KIF3A: variants seen among roughly 807,000 people sequenced by gnomAD.
KIF3A encodes the protein kinesin-like protein KIF3A.
KIF3A carries 27 observed loss-of-function variants against 92.6 expected under a neutral mutation model. That is an observed-to-expected ratio of 0.29 (90% CI 0.21 to 0.40). The LOEUF is 0.40. Ranked by LOEUF, KIF3A falls within the 10% of genes least tolerant of loss-of-function variation. The pLI is 1.00. For synonymous variants in KIF3A, 250 were observed against 275.4 expected (o/e 0.91, Z 0.92); for missense variants, 581 against 872.6 (o/e 0.67, Z 4.21).
chr5:132,701,945 A>G (rs1197069790), intron 15 of KIF3A, 142 bp downstream of exon 15: 2 of 868,502 alleles, frequency 2.3e-6, no homozygotes, highest in East Asian at 2.5e-5. Context: ...GTTAACAACT[A>G]AAGTGAAATG....
At chr5:132,720,469 T>A in intron 5 of KIF3A, 140 bp downstream of exon 5, 1 of 577,410 alleles carries the variant, frequency 1.7e-6, no homozygotes, top group South Asian at 2.5e-5. Flanking sequence ...GCTCTCTACA[T>A]GGTAAATAAT....
At chr5:132,734,568 C>T in intron 1 of KIF3A, 90 bp from the exon 2 acceptor site, 8 of 1,151,130 alleles carry the variant, frequency 6.9e-6, no homozygotes, top group Non-Finnish European at 9.7e-6. Context: ...GGCTACTTTT[C>T]CAACTCAGTG....
chr5:132,706,406 GGATA>G, intron 11 of KIF3A, 41 bp downstream of exon 11: 1 of 1,436,432 alleles, frequency 7.0e-7, no homozygotes, highest in South Asian at 1.4e-5. Flanking sequence ...GTTCTTTATA[GGATA>G]AATAATTGTA....
Position 132,716,420 on chromosome 5 carries a change from G to C in KIF3A, c.779C>G (p.Thr260Ser). ...CTTTAGGCGCTGTCCAGTAGCTCCA[G>C]TTTTTGCCTGTCTTTCTGAACCCTA... is the stretch of plus-strand genomic sequence containing the variant. The part of the protein sequence containing the change: ...DLAGSERQAK[T>S]GATGQRLKEA... The change falls in exon 7 of 19, where the codon ACT becomes AGT. Residue 260 changes from threonine to serine, a missense_variant. By Grantham distance (58) the Thr-to-Ser change is moderately conservative. This residue lies in a region of KIF3A where 40 missense variants were observed against 107.0 expected (regional missense o/e 0.37). Coordinates refer to ENST00000403231, the MANE Select transcript of KIF3A (RefSeq NM_001300791.2). 6.2e-7 allele frequency: 1 copy of C among 1,613,788 alleles called. No homozygotes were observed. Among genetic ancestry groups the C allele is most frequent in the East Asian group, 2.2e-5 (1 of 44,862 alleles).
intron 5 of KIF3A, 136 bp from the exon 6 acceptor site, chr5:132,717,120 T>C (rs1484765265): frequency 6.6e-6 from 5 of 759,462 alleles, no homozygotes; most frequent in Non-Finnish European, 1.1e-5. Flanking sequence ...CATAAAGGCA[T>C]GGGTGTGTAC....
In KIF3A at chr5:132,737,519, G is replaced by A. The variant is rs924473319; in HGVS notation, c.-100C>T. The A allele has an allele frequency of 1.4e-5, 19 of 1,394,054 alleles. No homozygotes were observed. Among genetic ancestry groups the A allele is most frequent in the African/African-American group, 5.9e-5 (4 of 68,376 alleles). The allele number at this position is 1,394,054 out of a possible 1,614,324, so 86.4% of individuals were successfully genotyped here. ...TGGCCAGAGACTACCGAAACACCTCGTTGACGCTCTCGAGACTGCGGCTTC... is the reference window on the plus strand; with the variant it reads ...TGGCCAGAGACTACCGAAACACCTCATTGACGCTCTCGAGACTGCGGCTTC... On this transcript the variant is annotated 5_prime_UTR_variant, in exon 1 of 19. In the 5' UTR this introduces an upstream ATG that the reference lacks. Transcript: ENST00000403231.
At chr5:132,726,323 A>C (rs1554107580) in intron 3 of KIF3A, 31 bp downstream of exon 3, 4 of 1,609,314 alleles carry the variant, frequency 2.5e-6, no homozygotes, top group Non-Finnish European at 3.4e-6. Flanking sequence ...TGTACTTCTC[A>C]ATATCAGAAA....
At chr5:132,708,564 C>T (rs572956946) in intron 10 of KIF3A, among the ~76,000 whole-genome samples, 1 of 152,098 alleles carries the variant, frequency 6.6e-6, no homozygotes, top group Non-Finnish European at 1.5e-5. Flanking sequence ...TTACGTGTCC[C>T]TTATTCTGAG....
chr5:132,730,067 A>G (rs145708070), intron 2 of KIF3A, among the ~76,000 whole-genome samples: 251 of 152,374 alleles, frequency 1.6e-3, no homozygotes, highest in African/African-American at 5.7e-3. Flanking sequence ...CATTCAACAT[A>G]CTAAAAGAAT....
At chr5:132,723,865 C>T (rs1462154895) in intron 4 of KIF3A, 6 of 152,102 alleles carry the variant, frequency 3.9e-5, no homozygotes, top group Admixed American at 6.6e-5. Context: ...AACAGGCAAC[C>T]TACAGAATGG....
rs1184493256 is a variant in KIF3A at position 132,695,855 on chromosome 5, T to TA, written c.*778dup. ...TTAAAAATATACACGCAGGCAAAGA[T>TA]AACTGAGCAGTATTTAGCTTCTTAA... On this transcript the variant is annotated 3_prime_UTR_variant, in exon 19 of 19. Coordinates refer to ENST00000403231, the MANE Select transcript of KIF3A (RefSeq NM_001300791.2). 1 of 152,318 alleles carries TA rather than the reference T, an allele frequency of 6.6e-6. No individual in the cohort carries two copies. Among genetic ancestry groups the TA allele is most frequent in the Non-Finnish European group, 1.5e-5 (1 of 68,024 alleles). The allele number at this position is 152,318 out of a possible 1,614,324, so 9.4% of individuals were successfully genotyped here.
In KIF3A at chr5:132,711,041, G is replaced by A. The variant is rs1299395556; in HGVS notation, c.1146C>T (p.Gly382=). ...KKLEEGEEIS[G]SDISGSEEDD... is the part of the protein sequence containing the mutation. ...CTTCCTCTGACCCACTGATATCAGA[G>A]CCTGATATTTCTTCTCCTTGGACAG... Residue 382 remains glycine, a synonymous_variant, in exon 9 of 19, where the codon GGC becomes GGT. Transcript: ENST00000403231. 1 of 1,609,402 alleles carries A rather than the reference G, an allele frequency of 6.2e-7. No individual in the cohort carries two copies. The highest frequency in any genetic ancestry group is 8.5e-7 in the Non-Finnish European group (1 of 1,176,000).
Position 132,726,179 on chromosome 5 carries a change from A to G in KIF3A, c.459T>C (p.Tyr153=). The part of the protein sequence containing the change: ...FLVRVSYLEI[Y]NEEVRDLLGK... ...CCAAAAGGTCACGAACTTCTTCATT[A>G]TATATTTCCAAATAAGACACTCGAA... Residue 153 remains tyrosine, a synonymous_variant, in exon 4 of 19, where the codon TAT becomes TAC. Transcript: ENST00000403231. 6.2e-7 allele frequency: 1 copy of G among 1,612,260 alleles called. No homozygotes were observed. The highest frequency in any genetic ancestry group is 1.1e-5 in the South Asian group (1 of 90,520).
At chr5:132,691,712 G>C (rs1752669808), downstream of KIF3A, among the ~76,000 whole-genome samples, 1 of 151,552 alleles carries the variant, frequency 6.6e-6, no homozygotes, top group African/African-American at 2.4e-5. Flanking sequence ...AGACCAGCCT[G>C]AACAACATGG....
At chr5:132,709,047 A>T in intron 9 of KIF3A, 69 bp from the exon 10 acceptor site, 1 of 1,194,898 alleles carries the variant, frequency 8.4e-7, no homozygotes. Context: ...ACACACACAC[A>T]GAGAAAAATT....
At chr5:132,691,304 C>T (rs1859139), downstream of KIF3A, among the ~76,000 whole-genome samples, 135,858 of 152,164 alleles carry the variant, frequency 0.89, 60,704 homozygotes, top group East Asian at 0.92. Flanking sequence ...TTCCAGCACT[C>T]TGGGAGGCCG....
At chr5:132,703,963 T>TA (rs566595374) in intron 11 of KIF3A, among the ~76,000 whole-genome samples, 6 of 149,162 alleles carry the variant, frequency 4.0e-5, no homozygotes, top group East Asian at 2.0e-4. Context: ...AAATATAGGT[T>TA]AAAAAAAAAG....
At chr5:132,711,254 T>G (rs1581076999) in intron 8 of KIF3A, among the ~76,000 whole-genome samples, 197 bp from the exon 9 acceptor site, 1 of 152,210 alleles carries the variant, frequency 6.6e-6, no homozygotes, top group Admixed American at 6.5e-5. Flanking sequence ...GACTTTATTT[T>G]TAAAGTCTCT....
At chr5:132,690,002 G>A (rs139231518), downstream of KIF3A, among the ~76,000 whole-genome samples, 240 of 152,222 alleles carry the variant, frequency 1.6e-3, 1 homozygote, top group African/African-American at 5.4e-3. Context: ...GGCAGATCAC[G>A]AGGTCAGAAG....
Sources: gnomAD v4.1 joint callset for allele counts (sites outside exome capture counted in the v4.1 genomes callset) on GRCh38, gnomAD v4.1.1 for gene constraint, gnomAD v4.1.1 regional missense constraint, MANE v1.5 for transcripts, NCBI Gene and HGNC (gene_info 2026-07-23, HGNC 2026-07-21) for gene names.